NCALD: variants seen among roughly 807,000 people sequenced by gnomAD.
NCALD encodes neurocalcin-delta.
NCALD carries 10 observed loss-of-function variants against 18.6 expected under a neutral mutation model. The ratio of observed to expected loss-of-function variants is 0.54; its 90% CI spans 0.33 to 0.91. NCALD has a LOEUF of 0.91. NCALD is among the 40% of genes least tolerant of loss of function. NCALD has a pLI of 0.03. For missense variants in NCALD, 184 were observed against 247.6 expected (o/e 0.74, Z 1.72); for synonymous variants, 88 against 87.4 (o/e 1.01, Z -0.04).
At chr8:102,101,228 T>C (rs1179117628) in intron 1 of NCALD, among the ~76,000 whole-genome samples, 2 of 152,204 alleles carry the variant, frequency 1.3e-5, no homozygotes, top group South Asian at 2.1e-4. Context: ...AGCTCTCCAA[T>C]TGCTGTCAGG....
At chr8:101,770,871 T>G (rs1410541995) in intron 1 of NCALD, among the ~76,000 whole-genome samples, 1 of 152,192 alleles carries the variant, frequency 6.6e-6, no homozygotes, top group African/African-American at 2.4e-5. Flanking sequence ...GATAAAATCT[T>G]TAGGCCGTAT....
At chr8:102,045,244 T>A (rs1265322037) in intron 1 of NCALD, among the ~76,000 whole-genome samples, 1 of 152,148 alleles carries the variant, frequency 6.6e-6, no homozygotes, top group Non-Finnish European at 1.5e-5. Context: ...TCTTAAAGTA[T>A]AACATGGTGA....
intron 1 of NCALD, among the ~76,000 whole-genome samples, chr8:102,021,341 C>T (rs1822266119): frequency 6.6e-6 from 1 of 152,142 alleles, no homozygotes; most frequent in South Asian, 2.1e-4. Context: ...AATCAGGACT[C>T]ACTCATTGTA....
In NCALD at chr8:101,851,862, T is replaced by G. The variant is rs983246454; in HGVS notation, c.-20+35279A>C. Among the ~76,000 whole-genome samples the G allele has an allele frequency of 1.6e-4, 24 of 152,258 alleles. 1 individual carries two copies. Among genetic ancestry groups the G allele is most frequent in the African/African-American group, 5.8e-4 (24 of 41,548 alleles). On this transcript the variant is annotated intron_variant, in intron 4 of 6. Transcript: ENST00000311028. ...TCCAAAATTTATGTTAAACTCTAAT[T>G]TCCATTATAGTGATATTAAGAGGTG... is the stretch of plus-strand genomic sequence containing the variant.
At chr8:101,934,590 G>A (rs1388055716) in intron 2 of NCALD, among the ~76,000 whole-genome samples, 1 of 152,062 alleles carries the variant, frequency 6.6e-6, no homozygotes, top group African/African-American at 2.4e-5. Context: ...CAGGAAGGAG[G>A]GAGTTCAGTA....
chr8:101,961,981 A>T (rs1819852262), intron 2 of NCALD, among the ~76,000 whole-genome samples: 1 of 152,176 alleles, frequency 6.6e-6, no homozygotes, highest in Admixed American at 6.5e-5. Context: ...AAATTTCAAA[A>T]CCCTAGATGA....
At chr8:102,026,119 T>G (rs771053853) in intron 1 of NCALD, among the ~76,000 whole-genome samples, 18 of 152,294 alleles carry the variant, frequency 1.2e-4, no homozygotes, top group Non-Finnish European at 2.1e-4. Flanking sequence ...GGAACTACAG[T>G]TCAAGATGAG....
chr8:101,713,678 A>G (rs200967328), intron 2 of NCALD, among the ~76,000 whole-genome samples: 2 of 152,088 alleles, frequency 1.3e-5, no homozygotes, highest in Non-Finnish European at 1.5e-5. Context: ...CTAAAAAATC[A>G]AGAAGAAATG....
chr8:101,952,286 G>C (rs931102750), intron 2 of NCALD, among the ~76,000 whole-genome samples: 2 of 152,052 alleles, frequency 1.3e-5, no homozygotes, highest in African/African-American at 4.8e-5. Flanking sequence ...CTTCTTCCTC[G>C]GCTCCCTCTC....
At chr8:101,707,127 C>CT (rs1033506629) in intron 2 of NCALD, among the ~76,000 whole-genome samples, 5 of 152,142 alleles carry the variant, frequency 3.3e-5, no homozygotes, top group African/African-American at 1.2e-4. Context: ...CTGCCCCCTC[C>CT]TTTTTTTCCC....
intron 2 of NCALD, among the ~76,000 whole-genome samples, chr8:101,930,092 A>G (rs1260991260): frequency 2.0e-5 from 3 of 152,188 alleles, no homozygotes; most frequent in Non-Finnish European, 4.4e-5. Context: ...AATTATGCTT[A>G]CAAAATTAGA....
chr8:101,978,090 C>G (rs10094747), intron 2 of NCALD, among the ~76,000 whole-genome samples: 1,919 of 151,590 alleles, frequency 0.013, 39 homozygotes, highest in African/African-American at 0.044. Context: ...AACCAGTGAC[C>G]CGAATATAAA....
intron 4 of NCALD, among the ~76,000 whole-genome samples, chr8:101,808,725 G>A (rs1429528097): frequency 1.3e-5 from 2 of 152,090 alleles, no homozygotes; most frequent in Non-Finnish European, 2.9e-5. Flanking sequence ...TTGGGACCAT[G>A]AGTATGGTGA....
chr8:101,863,133 T>C (rs1815614239), intron 4 of NCALD, among the ~76,000 whole-genome samples: 1 of 152,134 alleles, frequency 6.6e-6, no homozygotes, highest in South Asian at 2.1e-4. Flanking sequence ...TCCTCAGAAC[T>C]CCCACCCAGC....
chr8:101,833,610 GTTTTTTTTTTTTT>G (rs555031298), intron 4 of NCALD, among the ~76,000 whole-genome samples: 1 of 88,474 alleles, frequency 1.1e-5, no homozygotes. Flanking sequence ...TTTGTTTCTT[GTTTTTTTTTTTTT>G]TTTTTTTTTT....
rs963635568 is a variant in NCALD, at chr8:101,968,849, G to A, written c.-157+51388C>T. On this transcript the variant is annotated intron_variant, in intron 2 of 6. Coordinates refer to the NCALD transcript ENST00000311028. Reference sequence around the variant, plus strand: ...CCAGCAAAGCCCCACAATGCATACCGAGCAAATTGGTGAATGTGTTCCTGA... The same window carrying A: ...CCAGCAAAGCCCCACAATGCATACCAAGCAAATTGGTGAATGTGTTCCTGA... 4.6e-5 allele frequency among the ~76,000 whole-genome samples: 7 copies of A among 152,054 alleles called. No individual in the cohort carries two copies. In the East Asian group the frequency reaches 9.6e-4, roughly 21 times the overall value.
intron 1 of NCALD, among the ~76,000 whole-genome samples, chr8:102,045,621 A>G (rs1487060163): frequency 6.6e-6 from 1 of 152,194 alleles, no homozygotes; most frequent in Non-Finnish European, 1.5e-5. Context: ...TTTCCTCTAC[A>G]TCAGTTGCTT....
At chr8:101,986,879 C>T (rs1163632669) in intron 2 of NCALD, among the ~76,000 whole-genome samples, 1 of 141,338 alleles carries the variant, frequency 7.1e-6, no homozygotes, top group Admixed American at 7.4e-5. Context: ...GAGCTTGAGC[C>T]AGCCAGCTGG....
intron 4 of NCALD, among the ~76,000 whole-genome samples, chr8:101,852,389 A>T (rs1227802974): frequency 6.6e-6 from 1 of 152,102 alleles, no homozygotes; most frequent in Non-Finnish European, 1.5e-5. Context: ...TTGGCCTTTC[A>T]ACTTTGCCTT....
Sources: allele counts gnomAD v4.1 joint callset (sites outside exome capture counted in the v4.1 genomes callset), GRCh38; gene constraint gnomAD v4.1.1; transcripts MANE v1.5; gene names NCBI Gene and HGNC (gene_info 2026-07-23, HGNC 2026-07-21).